Variants in GPHN observed in about 807,000 individuals in gnomAD.
The protein encoded by GPHN is gephyrin.
A neutral mutation model predicts 95.5 loss-of-function variants in GPHN; 17 were observed. That is an observed-to-expected ratio of 0.18 (90% CI 0.12 to 0.27). The LOEUF (loss-of-function observed/expected upper bound fraction) is 0.27, where lower values mean the gene tolerates loss of function less well. Ranked by LOEUF, GPHN falls within the 10% of genes least tolerant of loss-of-function variation. The pLI, the probability that GPHN is intolerant of heterozygous loss-of-function variation, is 1.00. For missense variants in GPHN, 660 were observed against 978.1 expected, an observed-to-expected ratio of 0.67 and a Z score of 4.34; for synonymous variants, 320 against 322.5, an observed-to-expected ratio of 0.99 and a Z score of 0.08.
chr14:67,139,376 A>T (rs1307322179), intron 17 of GPHN, among the ~76,000 whole-genome samples: 2 of 152,132 alleles, frequency 1.3e-5, no homozygotes, highest in East Asian at 3.9e-4. Flanking sequence ...CTGAGACTAC[A>T]GGTGTGCCAC....
chr14:67,341,500 C>A, the GPHN span, among the ~76,000 whole-genome samples: 1 of 151,716 alleles, frequency 6.6e-6, no homozygotes, highest in Admixed American at 6.6e-5. Context: ...CCGCCCCGTC[C>A]GGGAGGGAGG....
the GPHN span, chr14:67,701,778 C>G: frequency 1.3e-5 from 2 of 151,946 alleles, no homozygotes; most frequent in Non-Finnish European, 2.9e-5. Flanking sequence ...TTGCCCTACC[C>G]TTTCTCTTTT....
At chr14:66,546,847 TC>T (rs1198703462) in intron 1 of GPHN, among the ~76,000 whole-genome samples, 2 of 151,984 alleles carry the variant, frequency 1.3e-5, no homozygotes, top group Non-Finnish European at 2.9e-5. Flanking sequence ...CTTTGTAACT[TC>T]ACTTCAGCCT....
the GPHN span, among the ~76,000 whole-genome samples, chr14:67,554,452 G>A: frequency 6.6e-5 from 10 of 152,156 alleles, no homozygotes; most frequent in Admixed American, 2.6e-4. Context: ...CGTGGAAGGC[G>A]TGGCTGGGAT....
At chr14:66,994,840 T>C (rs1567192021) in intron 9 of GPHN, among the ~76,000 whole-genome samples, 1 of 152,244 alleles carries the variant, frequency 6.6e-6, no homozygotes, top group Non-Finnish European at 1.5e-5. Flanking sequence ...GTGGCTATGA[T>C]ACTTTTTAGC....
the GPHN span, chr14:67,201,692 T>C: frequency 3.0e-5 from 11 of 363,832 alleles, no homozygotes; most frequent in South Asian, 2.1e-4. Flanking sequence ...CCCTGAGCCA[T>C]GATATTGGAC....
chr14:66,911,444 G>C (rs768947836), intron 5 of GPHN, among the ~76,000 whole-genome samples: 1 of 151,892 alleles, frequency 6.6e-6, no homozygotes, highest in African/African-American at 2.4e-5. Flanking sequence ...TATTGATAGA[G>C]CTGTTTTACA....
the GPHN span, among the ~76,000 whole-genome samples, chr14:67,452,216 G>A: frequency 3.3e-5 from 5 of 151,998 alleles, no homozygotes; most frequent in Non-Finnish European, 7.4e-5. Flanking sequence ...CCAGCTACTT[G>A]GGAAGCTGAG....
the GPHN span, among the ~76,000 whole-genome samples, chr14:67,195,717 G>A: frequency 1.2e-5 from 1 of 80,690 alleles, no homozygotes; most frequent in Admixed American, 1.4e-4. Context: ...TTTTGGTTGT[G>A]TGTGTGTGTG....
the GPHN span, among the ~76,000 whole-genome samples, chr14:67,553,961 G>T: frequency 6.6e-6 from 1 of 152,200 alleles, no homozygotes; most frequent in African/African-American, 2.4e-5. Context: ...GTGAATGCCT[G>T]TCAGAGGGGG....
chr14:66,643,719 G>A (rs559488978), intron 1 of GPHN, among the ~76,000 whole-genome samples: 1 of 150,670 alleles, frequency 6.6e-6, no homozygotes, highest in African/African-American at 2.4e-5. Flanking sequence ...TCTGTTGTGG[G>A]TAGAGCAATG....
intron 1 of GPHN, among the ~76,000 whole-genome samples, chr14:66,514,045 TC>T (rs1339437502): frequency 1.3e-5 from 2 of 151,964 alleles, no homozygotes; most frequent in African/African-American, 4.8e-5. Flanking sequence ...TTTGGGGCAT[TC>T]TTCTCAAACT....
chr14:66,974,418 C>T (rs959274383), intron 9 of GPHN, among the ~76,000 whole-genome samples: 1 of 151,590 alleles, frequency 6.6e-6, no homozygotes, highest in African/African-American at 2.4e-5. Context: ...ATGAAACTTC[C>T]CCATCTATTT....
the GPHN span, among the ~76,000 whole-genome samples, chr14:67,230,123 C>T: frequency 6.6e-6 from 1 of 152,246 alleles, no homozygotes; most frequent in East Asian, 1.9e-4. Flanking sequence ...TACTTTTGTT[C>T]ACTTGGGGGG....
chr14:66,897,542 A>G (rs976403080), intron 5 of GPHN, among the ~76,000 whole-genome samples: 5 of 152,102 alleles, frequency 3.3e-5, no homozygotes, highest in African/African-American at 1.2e-4. Context: ...TTCTAGTTCA[A>G]TATTTTGCCA....
the GPHN span, among the ~76,000 whole-genome samples, chr14:67,353,421 G>A: frequency 6.6e-6 from 1 of 152,160 alleles, no homozygotes; most frequent in Non-Finnish European, 1.5e-5. Flanking sequence ...GTAAGTGGGA[G>A]GATCCCTTGA....
the GPHN span, among the ~76,000 whole-genome samples, chr14:67,676,453 C>T: frequency 4.6e-5 from 7 of 152,058 alleles, no homozygotes; most frequent in South Asian, 2.1e-4. Flanking sequence ...AGCCTGGGGC[C>T]GGGTGCTGCG....
intron 19 of GPHN, among the ~76,000 whole-genome samples, chr14:67,162,897 C>T (rs1164975951): frequency 1.3e-5 from 2 of 152,208 alleles, no homozygotes; most frequent in East Asian, 3.8e-4. Flanking sequence ...GACCACATTG[C>T]TTAATCTCTC....
At chr14:66,582,456 C>T (rs1254276288) in intron 1 of GPHN, among the ~76,000 whole-genome samples, 1 of 151,918 alleles carries the variant, frequency 6.6e-6, no homozygotes, top group Non-Finnish European at 1.5e-5. Flanking sequence ...CATATGTATA[C>T]ATGTGCCATG....
Sources: allele counts gnomAD v4.1 joint callset (sites outside exome capture counted in the v4.1 genomes callset), GRCh38; gene constraint gnomAD v4.1.1; transcripts MANE v1.5; gene names NCBI Gene and HGNC (gene_info 2026-07-23, HGNC 2026-07-21).